The following LRRIQ1 variants were observed in gnomAD, a reference collection of about 807,000 sequenced individuals.
The protein encoded by LRRIQ1 is leucine rich repeats and IQ motif containing 1, also known as leucine-rich repeat- and IQ domain-containing protein 1.
In LRRIQ1, 210 loss-of-function variants were observed where a neutral mutation model predicts 211.9. The ratio of observed to expected loss-of-function variants is 0.99; its 90% CI spans 0.89 to 1.11. LRRIQ1 has a LOEUF of 1.11. Ranked by LOEUF, LRRIQ1 falls within the 50% of genes most tolerant of loss-of-function variation. The pLI, the probability that LRRIQ1 is intolerant of heterozygous loss-of-function variation, is 0.00. For missense variants in LRRIQ1, 2,136 were observed against 1,939.5 expected, an observed-to-expected ratio of 1.10 and a Z score of -1.90; for synonymous variants, 699 against 650.1, an observed-to-expected ratio of 1.08 and a Z score of -1.14.
At chr12:85,187,251 T>C (rs1892269836) in intron 24 of LRRIQ1, among the ~76,000 whole-genome samples, 1 of 152,122 alleles carries the variant, frequency 6.6e-6, no homozygotes, top group Non-Finnish European at 1.5e-5. Flanking sequence ...CCTTACAGTT[T>C]AAAAGCTAGG....
chr12:85,083,922 T>A (rs1884554202), intron 11 of LRRIQ1, among the ~76,000 whole-genome samples: 1 of 152,188 alleles, frequency 6.6e-6, no homozygotes, highest in Non-Finnish European at 1.5e-5. Context: ...TGTATTTTTA[T>A]ATGTCAGTAA....
chr12:85,233,221 A>G (rs1353776320), intron 26 of LRRIQ1, among the ~76,000 whole-genome samples: 1 of 152,104 alleles, frequency 6.6e-6, no homozygotes, highest in Admixed American at 6.6e-5. Flanking sequence ...TTTTCAACAT[A>G]ATGATCAGAA....
At chr12:85,112,484 T>G (rs1047523231) in intron 15 of LRRIQ1, among the ~76,000 whole-genome samples, 4 of 111,142 alleles carry the variant, frequency 3.6e-5, no homozygotes, top group Admixed American at 2.6e-4. Flanking sequence ...TCTCATGGCT[T>G]TCTTTTGCTT....
chr12:85,223,442 AG>A (rs1894496725), intron 24 of LRRIQ1, among the ~76,000 whole-genome samples: 1 of 152,220 alleles, frequency 6.6e-6, no homozygotes, highest in Non-Finnish European at 1.5e-5. Flanking sequence ...AGTGAAATTA[AG>A]GAATGAATAT....
intron 13 of LRRIQ1, 46 bp from the exon 14 acceptor site, chr12:85,103,958 A>G: frequency 8.9e-7 from 1 of 1,120,072 alleles, no homozygotes; most frequent in Non-Finnish European, 1.3e-6. Context: ...AACATTAAGG[A>G]CTTTCCAATT....
At chr12:85,098,621 T>C (rs1373125220) in intron 12 of LRRIQ1, 73 bp downstream of exon 12, 1 of 1,221,220 alleles carries the variant, frequency 8.2e-7, no homozygotes, top group African/African-American at 1.5e-5. Flanking sequence ...CAATCACATA[T>C]TAAAAGCAAT....
chr12:85,238,357 A>G (rs1344115572), intron 26 of LRRIQ1, among the ~76,000 whole-genome samples: 1 of 152,106 alleles, frequency 6.6e-6, no homozygotes, highest in Non-Finnish European at 1.5e-5. Context: ...AATCACTGAA[A>G]ACATTTAAAA....
intron 26 of LRRIQ1, among the ~76,000 whole-genome samples, chr12:85,243,643 T>C (rs1321652500): frequency 2.0e-5 from 3 of 151,294 alleles, no homozygotes; most frequent in African/African-American, 7.3e-5. Flanking sequence ...GTGTTGTACA[T>C]GATACATGTA....
intron 24 of LRRIQ1, among the ~76,000 whole-genome samples, chr12:85,222,198 G>A (rs1164315399): frequency 3.3e-5 from 5 of 152,140 alleles, no homozygotes; most frequent in Admixed American, 2.0e-4. Context: ...TTGGATATAT[G>A]TGAGGGGTCT....
intron 24 of LRRIQ1, among the ~76,000 whole-genome samples, chr12:85,172,039 T>G (rs566533454): frequency 6.6e-6 from 1 of 152,136 alleles, no homozygotes; most frequent in Non-Finnish European, 1.5e-5. Context: ...GCAAAACTTC[T>G]TACATCAAAA....
At chr12:85,234,825 G>A (rs1033915377) in intron 26 of LRRIQ1, among the ~76,000 whole-genome samples, 42 of 152,110 alleles carry the variant, frequency 2.8e-4, no homozygotes, top group African/African-American at 9.2e-4. Flanking sequence ...AAAGACAGAT[G>A]GGTATGCAAG....
chr12:85,068,443 T>C (rs1882680551), intron 10 of LRRIQ1, among the ~76,000 whole-genome samples: 1 of 151,958 alleles, frequency 6.6e-6, no homozygotes, highest in African/African-American at 2.4e-5. Flanking sequence ...TACATAGAAA[T>C]TCCATATAAC....
At position 85,066,799 on chromosome 12, in the gene LRRIQ1, G is replaced by C. The variant is rs772952605; in HGVS notation, c.2596G>C (p.Val866Leu). 4.4e-6 allele frequency: 7 copies of C among 1,600,498 alleles called. No homozygotes were observed. The highest frequency in any genetic ancestry group is 2.7e-5 in the African/African-American group (2 of 74,270). The change falls in exon 10 of 27, where the codon GTT becomes CTT. Residue 866 changes from valine (V) to leucine (L), a missense_variant. Val to Leu is a conservative substitution (Grantham distance 32). Coordinates refer to ENST00000393217, the MANE Select transcript of LRRIQ1 (RefSeq NM_001079910.2). ...ECENLENLCV[V>L]LLNKNQLTSL... ...TGAAAATTTGGAAAATCTCTGTGTT[G>C]TTCTTCTTAATAAAAATCAACTGAC... is the stretch of plus-strand genomic sequence containing the variant.
At position 85,236,259 on chromosome 12, in the gene LRRIQ1, G is replaced by A. The variant is rs530122778; in HGVS notation, c.5016+3503G>A. On this transcript the variant is annotated intron_variant, in intron 26 of 26. Coordinates refer to ENST00000393217, the MANE Select transcript of LRRIQ1 (RefSeq NM_001079910.2). ...TACAAACTATATGGCAAAAATATCA[G>A]TTGACTCTGTTAAATTAAATATCTC... Among the ~76,000 whole-genome samples, 4 of 152,204 alleles carry A rather than the reference G, an allele frequency of 2.6e-5. No homozygotes were observed. In the East Asian group the frequency reaches 7.7e-4, roughly 29 times the overall value.
chr12:85,065,552 A>C (rs1281033007), intron 9 of LRRIQ1, 138 bp downstream of exon 9: 2 of 617,918 alleles, frequency 3.2e-6, no homozygotes, highest in Non-Finnish European at 4.8e-6. Context: ...ATCAGGTGGT[A>C]TGGTAAAGTT....
At position 85,092,854 on chromosome 12, in the gene LRRIQ1, G is replaced by T. The variant is rs1311622301; in HGVS notation, c.2888-5501G>T. 2.6e-5 allele frequency among the ~76,000 whole-genome samples: 4 copies of T among 152,164 alleles called. No individual in the cohort carries two copies. In the East Asian group the frequency reaches 7.7e-4, roughly 29 times the overall value. Reference sequence around the variant, plus strand: ...CATCGCTAAAGCAAAGAAGTCCTTTGCTATTGATGAAGAGTTAATCCTGCC... The same window carrying T: ...CATCGCTAAAGCAAAGAAGTCCTTTTCTATTGATGAAGAGTTAATCCTGCC... On this transcript the variant is annotated intron_variant, in intron 11 of 26. Coordinates refer to ENST00000393217, the MANE Select transcript of LRRIQ1 (RefSeq NM_001079910.2).
intron 8 of LRRIQ1, among the ~76,000 whole-genome samples, chr12:85,060,895 A>G (rs760370459): frequency 6.6e-6 from 1 of 151,872 alleles, no homozygotes; most frequent in Non-Finnish European, 1.5e-5. Flanking sequence ...TTTATCTACA[A>G]TGGGCTGTAA....
chr12:85,269,738 G>A, the LRRIQ1 span, among the ~76,000 whole-genome samples: 1 of 151,952 alleles, frequency 6.6e-6, no homozygotes, highest in Non-Finnish European at 1.5e-5. Context: ...GAAAAAGCTA[G>A]AATTTCTAAG....
At chr12:85,221,779 TACTTTATGGAAA>T (rs1339451994) in intron 24 of LRRIQ1, among the ~76,000 whole-genome samples, 1 of 152,214 alleles carries the variant, frequency 6.6e-6, no homozygotes, top group Non-Finnish European at 1.5e-5. Context: ...GTAAGACCTA[TACTTTATGGAAA>T]AAAACTTTGA....
Sources: gnomAD v4.1 joint callset for allele counts (sites outside exome capture counted in the v4.1 genomes callset) on GRCh38, gnomAD v4.1.1 for gene constraint, MANE v1.5 for transcripts, NCBI Gene and HGNC (gene_info 2026-07-23, HGNC 2026-07-21) for gene names.